The following OR2M3 variants were observed in gnomAD, a reference collection of about 807,000 sequenced individuals.
The protein encoded by OR2M3 is olfactory receptor family 2 subfamily M member 3.
Under a neutral mutation model 4.3 loss-of-function variants are expected in OR2M3, and 1 was observed. The ratio of observed to expected loss-of-function variants is 0.23; its 90% CI spans 0.08 to 1.11. The LOEUF (loss-of-function observed/expected upper bound fraction) is 1.11. OR2M3 is among the 50% of genes most tolerant of loss of function. OR2M3 has a pLI of 0.54. For synonymous variants in OR2M3, 151 were observed against 139.4 expected, an observed-to-expected ratio of 1.08 and a Z score of -0.59; for missense variants, 410 against 390.4, an observed-to-expected ratio of 1.05 and a Z score of -0.42.
At chr1:248,199,647 A>C in intron 1 of OR2M3, among the ~76,000 whole-genome samples, 1 of 152,110 alleles carries the variant, frequency 6.6e-6, no homozygotes, top group Non-Finnish European at 1.5e-5. Context: ...GTAACACATT[A>C]GTTCTTTTTA....
rs1255582815 is a variant in OR2M3 at position 248,203,564 on chromosome 1, TCTC to T, written c.500_502del (p.Ser167del). 2 of 1,613,620 alleles carry T rather than the reference TCTC, an allele frequency of 1.2e-6. No homozygotes were observed. The highest frequency in any genetic ancestry group is 8.5e-7 in the Non-Finnish European group (1 of 1,179,816). On this transcript the variant is annotated inframe_deletion, in exon 2 of 2. Coordinates refer to ENST00000641626, the MANE Select transcript of OR2M3 (RefSeq NM_001004689.2). ...ATTGATGTTGTAGCAACATTTTCCT[TCTC>T]CTACTGTGGGTCTCGGGAAATAGCC...
In OR2M3 at chr1:248,204,317, T is replaced by C; in HGVS notation, c.*311T>C. The C allele has an allele frequency of 9.2e-6, 2 of 218,090 alleles. No individual in the cohort carries two copies. Among genetic ancestry groups the C allele is most frequent in the East Asian group, 1.2e-4 (1 of 8,066 alleles). The allele number at this position is 218,090 out of a possible 1,614,324, so 13.5% of individuals were successfully genotyped here. A position where few individuals can be genotyped will look rare whatever the true frequency, so the allele number is the denominator to read the frequency against. ...TATGAATAAGTTCTTTAGTGATGATTTCTGAGATTTTGGTGCACCCATCAC... is the reference window on the plus strand; with the variant it reads ...TATGAATAAGTTCTTTAGTGATGATCTCTGAGATTTTGGTGCACCCATCAC... On this transcript the variant is annotated 3_prime_UTR_variant, in exon 2 of 2. Transcript: ENST00000641626.
At position 248,203,373 on chromosome 1, in the gene OR2M3, C is replaced by A; in HGVS notation, c.306C>A (p.Phe102Leu). Reference sequence around the variant, plus strand: ...TGGCTGGTTGTGCCACACAAATTTTCTTCTATACATCACTGCTTGGCTCTG... The same window carrying A: ...TGGCTGGTTGTGCCACACAAATTTTATTCTATACATCACTGCTTGGCTCTG... ...ISMAGCATQI[F>L]FYTSLLGSEC... The change falls in exon 2 of 2, where the codon TTC becomes TTA. Residue 102 changes from phenylalanine (F) to leucine (L), a missense_variant. Physicochemically the swap from Phe to Leu is conservative, Grantham distance 22 (BLOSUM62 0). Transcript: ENST00000641626. 5 of 1,614,102 alleles carry A rather than the reference C, an allele frequency of 3.1e-6. No homozygotes were observed. The highest frequency in any genetic ancestry group is 3.4e-6 in the Non-Finnish European group (4 of 1,180,012).
In OR2M3 at chr1:248,203,592, C is replaced by A; in HGVS notation, c.525C>A (p.Ala175=). Residue 175 remains alanine (A), a synonymous_variant, in exon 2 of 2, where the codon GCC becomes GCA. Transcript: ENST00000641626. ...CCTACTGTGGGTCTCGGGAAATAGCCCACTTCTTCTGTGACTTCCCCTCCC... is the reference window on the plus strand; with the variant it reads ...CCTACTGTGGGTCTCGGGAAATAGCACACTTCTTCTGTGACTTCCCCTCCC... ...SFSYCGSREI[A]HFFCDFPSLL... 1 of 1,613,720 alleles carries A rather than the reference C, an allele frequency of 6.2e-7. No homozygotes were observed. The highest frequency in any genetic ancestry group is 8.5e-7 in the Non-Finnish European group (1 of 1,179,804).
chr1:248,204,120 ATATT>A lies in OR2M3; in HGVS notation c.*118_*121del. The A allele has an allele frequency of 1.1e-6, 1 of 877,064 alleles. No homozygotes were observed. Among genetic ancestry groups the A allele is most frequent in the Non-Finnish European group, 1.8e-6 (1 of 556,622 alleles). The allele number at this position is 877,064 out of a possible 1,614,324, so 54.3% of individuals were successfully genotyped here. ...ATTGTGTACATAAATCTGCAATGAC[ATATT>A]TATGTGCACCTATATAATTTATTTC... On this transcript the variant is annotated 3_prime_UTR_variant, in exon 2 of 2. Transcript: ENST00000641626.
chr1:248,197,586 A>G (rs1248059077), intron 1 of OR2M3, among the ~76,000 whole-genome samples: 3 of 152,180 alleles, frequency 2.0e-5, no homozygotes, highest in Non-Finnish European at 2.9e-5. Context: ...GATTTGAAAA[A>G]GAAATTGACA....
Position 248,209,896 on chromosome 1 carries a change from C to A in OR2M3, c.*5890C>A, listed in dbSNP as rs1666261813. 6.6e-6 allele frequency: 1 copy of A among 152,252 alleles called. No individual in the cohort carries two copies. Among genetic ancestry groups the A allele is most frequent in the South Asian group, 2.1e-4 (1 of 4,816 alleles). The allele number at this position is 152,252 out of a possible 1,614,324, so 9.4% of individuals were successfully genotyped here. The stretch of plus-strand genomic sequence containing the variant: ...GTGATGGGTGAGGCCATAGAGGTAA[C>A]AAGAGATTATGACGTTTGTCTTCAG... On this transcript the variant is annotated 3_prime_UTR_variant, in exon 2 of 2. Transcript: ENST00000641626.
At chr1:248,201,542 C>T (rs1177552774) in intron 1 of OR2M3, among the ~76,000 whole-genome samples, 1 of 151,592 alleles carries the variant, frequency 6.6e-6, no homozygotes, top group Non-Finnish European at 1.5e-5. Flanking sequence ...TGTGCTGCAC[C>T]CATTAACTCG....
Position 248,209,422 on chromosome 1 carries a change from T to G in OR2M3, c.*5416T>G, listed in dbSNP as rs1666256155. The G allele has an allele frequency of 6.6e-6, 1 of 152,068 alleles. No individual in the cohort carries two copies. Among genetic ancestry groups the G allele is most frequent in the African/African-American group, 2.4e-5 (1 of 41,396 alleles). 9.4% of individuals were successfully genotyped at this position (152,068 alleles called of 1,614,324 possible). A position where few individuals can be genotyped will look rare whatever the true frequency, so the allele number is the denominator to read the frequency against. The stretch of plus-strand genomic sequence containing the variant: ...CATATTACAGAATTTTTTTTTCTGG[T>G]TCCTTCTTATTTGGGTAGACTATGT... On this transcript the variant is annotated 3_prime_UTR_variant, in exon 2 of 2. Coordinates refer to ENST00000641626, the MANE Select transcript of OR2M3 (RefSeq NM_001004689.2).
At position 248,203,505 on chromosome 1, in the gene OR2M3, C is replaced by T. The variant is rs1354800378; in HGVS notation, c.438C>T (p.Ala146=). ...MSPKICGLMT[A]FSWILGSTDG... ...CTAAAATTTGTGGACTTATGACTGC[C>T]TTTTCCTGGATCCTGGGCTCTACGG... The change falls in exon 2 of 2, where the codon GCC becomes GCT. Residue 146 remains alanine, a synonymous_variant. Coordinates refer to ENST00000641626, the MANE Select transcript of OR2M3 (RefSeq NM_001004689.2). The T allele has an allele frequency of 6.2e-7, 1 of 1,613,694 alleles. No individual in the cohort carries two copies. Among genetic ancestry groups the T allele is most frequent in the East Asian group, 2.2e-5 (1 of 44,880 alleles).
rs759430213 is a variant in OR2M3 at position 248,208,170 on chromosome 1, T to C, written c.*4164T>C. 1.3e-5 allele frequency: 2 copies of C among 152,140 alleles called. No homozygotes were observed. The highest frequency in any genetic ancestry group is 2.9e-5 in the Non-Finnish European group (2 of 67,990). The allele number at this position is 152,140 out of a possible 1,614,324, so 9.4% of individuals were successfully genotyped here. ...GTGTCAATTTGCATGGAATATGTTC[T>C]TTCACCCCTTTAACTTAAGTTTATG... is the stretch of plus-strand genomic sequence containing the variant. On this transcript the variant is annotated 3_prime_UTR_variant, in exon 2 of 2. Transcript: ENST00000641626.
chr1:248,203,745 T>A lies in OR2M3; in HGVS notation c.678T>A (p.Ile226=). 6.2e-7 allele frequency: 1 copy of A among 1,612,516 alleles called. No individual in the cohort carries two copies. ...ATGCTCGAGTTATCCTGGCTGTCAT[T>A]CACATGGGATCTGGAGAGGGTCGTC... is the stretch of plus-strand genomic sequence containing the variant. ...ASYARVILAV[I]HMGSGEGRRK... is the part of the protein sequence containing the mutation. The change falls in exon 2 of 2, where the codon ATT becomes ATA. Residue 226 remains isoleucine, a synonymous_variant. Coordinates refer to ENST00000641626, the MANE Select transcript of OR2M3 (RefSeq NM_001004689.2).
chr1:248,197,598 T>G (rs947575731), intron 1 of OR2M3, among the ~76,000 whole-genome samples: 1 of 152,088 alleles, frequency 6.6e-6, no homozygotes, highest in Non-Finnish European at 1.5e-5. Flanking sequence ...AAATTGACAG[T>G]GAATAGATGT....
intron 1 of OR2M3, among the ~76,000 whole-genome samples, chr1:248,199,716 T>C (rs1049766213): frequency 3.3e-5 from 5 of 152,136 alleles, no homozygotes; most frequent in African/African-American, 1.2e-4. Context: ...CAGGGCAATG[T>C]AATAGTCAAT....
intron 1 of OR2M3, among the ~76,000 whole-genome samples, chr1:248,200,754 C>G (rs951416519): frequency 1.3e-5 from 2 of 152,064 alleles, no homozygotes; most frequent in Non-Finnish European, 2.9e-5. Context: ...TTTAACATTA[C>G]TTTTGAGTAT....
At position 248,204,818 on chromosome 1, in the gene OR2M3, G is replaced by A. The variant is rs1374374063; in HGVS notation, c.*812G>A. ...TGTGTAGTTAGTAGTGGTATTGCTA[G>A]ATCAAAAGGTAGATCCACTTTTAGT... On this transcript the variant is annotated 3_prime_UTR_variant, in exon 2 of 2. Coordinates refer to ENST00000641626, the MANE Select transcript of OR2M3 (RefSeq NM_001004689.2). 1 of 151,948 alleles carries A rather than the reference G, an allele frequency of 6.6e-6. No homozygotes were observed. Among genetic ancestry groups the A allele is most frequent in the African/African-American group, 2.4e-5 (1 of 41,338 alleles). The allele number at this position is 151,948 out of a possible 1,614,324, so 9.4% of individuals were successfully genotyped here.
rs1158545287 is a variant in OR2M3 at position 248,212,719 on chromosome 1, C to T, written c.*8713C>T. ...AAGACACTATTTAAATTTATGCTGG[C>T]TATGAAAAACAGAAACCAGGCTCCT... On this transcript the variant is annotated 3_prime_UTR_variant, in exon 2 of 2. Transcript: ENST00000641626. 2.0e-5 allele frequency: 3 copies of T among 151,968 alleles called. No individual in the cohort carries two copies. Among genetic ancestry groups the T allele is most frequent in the Middle Eastern group, 3.4e-3 (1 of 294 alleles). The allele number at this position is 151,968 out of a possible 1,614,324, so 9.4% of individuals were successfully genotyped here.
At chr1:248,200,803 A>G (rs1666146844) in intron 1 of OR2M3, among the ~76,000 whole-genome samples, 1 of 152,118 alleles carries the variant, frequency 6.6e-6, no homozygotes, top group South Asian at 2.1e-4. Flanking sequence ...ATTTATATAA[A>G]TAAATAAAAG....
At position 248,207,055 on chromosome 1, in the gene OR2M3, G is replaced by GA. The variant is rs1410001691; in HGVS notation, c.*3051dup. ...ATCCAGGAGGGTTGTATAGTTCCAG[G>GA]AATTTGGTTATCTCTTCCAGGTTTT... On this transcript the variant is annotated 3_prime_UTR_variant, in exon 2 of 2. Coordinates refer to ENST00000641626, the MANE Select transcript of OR2M3 (RefSeq NM_001004689.2). 2 of 151,884 alleles carry GA rather than the reference G, an allele frequency of 1.3e-5. No homozygotes were observed. The highest frequency in any genetic ancestry group is 4.8e-5 in the African/African-American group (2 of 41,382). 9.4% of individuals were successfully genotyped at this position (151,884 alleles called of 1,614,324 possible).
Sources: allele counts gnomAD v4.1 joint callset (sites outside exome capture counted in the v4.1 genomes callset), GRCh38; gene constraint gnomAD v4.1.1; transcripts MANE v1.5; gene names NCBI Gene and HGNC (gene_info 2026-07-23, HGNC 2026-07-21).